CP: variants seen among roughly 807,000 people sequenced by gnomAD.
The protein encoded by CP is ceruloplasmin, also known as caeruloplasmin.
A neutral mutation model predicts 122.4 loss-of-function variants in CP; 64 were observed. The observed-to-expected ratio is 0.52, with a 90% CI of 0.43 to 0.64. The LOEUF (loss-of-function observed/expected upper bound fraction) is 0.64, where lower values mean the gene tolerates loss of function less well. Among genes scored for constraint, CP ranks in the 30% least tolerant of loss-of-function variants. The pLI is 0.00. For missense variants in CP, 1,167 were observed against 1,284.4 expected (o/e 0.91, Z 1.40); for synonymous variants, 440 against 436.4 (o/e 1.01, Z -0.10).
intron 1 of CP, among the ~76,000 whole-genome samples, chr3:149,217,140 C>A (rs1463816950): frequency 6.6e-6 from 1 of 151,958 alleles, no homozygotes; most frequent in Non-Finnish European, 1.5e-5. Flanking sequence ...ACCTTGTGAT[C>A]CACCTGCCTT....
intron 1 of CP, among the ~76,000 whole-genome samples, chr3:149,218,569 C>A (rs1206570136): frequency 6.6e-6 from 1 of 152,182 alleles, no homozygotes; most frequent in Non-Finnish European, 1.5e-5. Flanking sequence ...ACTAACCCTG[C>A]ATATAATCCC....
At chr3:149,213,220 T>G (rs1728228461) in intron 1 of CP, among the ~76,000 whole-genome samples, 1 of 152,226 alleles carries the variant, frequency 6.6e-6, no homozygotes, top group Non-Finnish European at 1.5e-5. Flanking sequence ...TATATTTCTT[T>G]TAACAGCACT....
chr3:149,187,754 G>C (rs938836027), intron 10 of CP, among the ~76,000 whole-genome samples: 42 of 152,320 alleles, frequency 2.8e-4, no homozygotes, highest in African/African-American at 9.4e-4. Context: ...GGACTTTGTA[G>C]GTCAGGGTAG....
chr3:149,200,529 G>A (rs557217189), intron 7 of CP, among the ~76,000 whole-genome samples: 1 of 152,012 alleles, frequency 6.6e-6, no homozygotes, highest in African/African-American at 2.4e-5. Context: ...TTGAGATGGA[G>A]TCTCATTCTG....
At chr3:149,179,994 T>C (rs908181374) in intron 14 of CP, 2 of 299,424 alleles carry the variant, frequency 6.7e-6, no homozygotes, top group Admixed American at 9.2e-5. Context: ...GCTTGAAGTG[T>C]GTTTTCCTAA....
At chr3:149,177,654 T>C in intron 17 of CP, 186 bp downstream of exon 17, 1 of 676,940 alleles carries the variant, frequency 1.5e-6, no homozygotes, top group Non-Finnish European at 2.5e-6. Context: ...TGGAACTTAG[T>C]GGAATTATTT....
chr3:149,201,343 G>A (rs1369466545), intron 7 of CP, among the ~76,000 whole-genome samples: 1 of 151,704 alleles, frequency 6.6e-6, no homozygotes, highest in Non-Finnish European at 1.5e-5. Context: ...GGATGGTCTC[G>A]ATCTCCTGAC....
intron 10 of CP, among the ~76,000 whole-genome samples, chr3:149,187,068 G>A (rs545065830): frequency 5.1e-4 from 77 of 152,096 alleles, no homozygotes; most frequent in Non-Finnish European, 9.1e-4. Flanking sequence ...CCAAATCTGC[G>A]AATTATAACA....
At chr3:149,195,035 G>A (rs544147739) in intron 9 of CP, among the ~76,000 whole-genome samples, 1 of 152,198 alleles carries the variant, frequency 6.6e-6, no homozygotes, top group Admixed American at 6.5e-5. Flanking sequence ...GATGATAAAG[G>A]CAGCATTTCA....
chr3:149,192,125 T>A lies in CP; in HGVS notation c.1714-3923A>T, dbSNP rs979819480. Among the ~76,000 whole-genome samples the A allele has an allele frequency of 9.2e-5, 14 of 152,086 alleles. 1 individual carries two copies. The highest frequency in any genetic ancestry group is 2.6e-4 in the Admixed American group (4 of 15,276). On this transcript the variant is annotated intron_variant, in intron 9 of 18. Transcript: ENST00000264613. Reference sequence around the variant, plus strand: ...GAAAATAATTCTTTTCAGTAATGGATGAACATGTTCTGACATGTATTTAAA... The same window carrying A: ...GAAAATAATTCTTTTCAGTAATGGAAGAACATGTTCTGACATGTATTTAAA...
chr3:149,169,659 A>G (rs935592826), downstream of CP, among the ~76,000 whole-genome samples: 2 of 152,208 alleles, frequency 1.3e-5, no homozygotes, highest in African/African-American at 4.8e-5. Flanking sequence ...ATGTTGCCAG[A>G]TGTCCCCTGT....
At chr3:149,179,886 T>A in intron 14 of CP, 1 of 512,820 alleles carries the variant, frequency 1.9e-6, no homozygotes, top group African/African-American at 1.9e-5. Context: ...TTTGGGTTAA[T>A]TTTAAATTAG....
intron 17 of CP, among the ~76,000 whole-genome samples, chr3:149,177,547 T>C (rs1725496834): frequency 1.3e-5 from 2 of 152,188 alleles, no homozygotes; most frequent in Admixed American, 1.3e-4. Flanking sequence ...TTAAATCATC[T>C]CTAGATTATT....
At chr3:149,163,784 TG>T in intron 5 of CP, 1 of 918,276 alleles carries the variant, frequency 1.1e-6, no homozygotes. Context: ...CTTTGTGGAA[TG>T]GATAAGCAAG....
chr3:149,162,495 T>A, exon 6 of CP: 1 of 894,602 alleles, frequency 1.1e-6, no homozygotes, highest in Non-Finnish European at 1.8e-6. Flanking sequence ...AGACTATATC[T>A]GTAGAAACTT....
chr3:149,198,493 A>G lies in CP; in HGVS notation c.1587T>C (p.Asn529=). 1 of 1,614,100 alleles carries G rather than the reference A, an allele frequency of 6.2e-7. No individual in the cohort carries two copies. The highest frequency in any genetic ancestry group is 1.7e-5 in the Admixed American group (1 of 60,028). Residue 529 remains asparagine, a synonymous_variant, in exon 9 of 19, where the codon AAT becomes AAC. Coordinates refer to ENST00000264613, the MANE Select transcript of CP (RefSeq NM_000096.4). ...TCTTAGCTAGACACACAGGATCTGC[A>G]TTAGTGGGTCCTACTTCTTTGGGGA... ...WTVPKEVGPT[N]ADPVCLAKMY...
chr3:149,186,107 A>G (rs1371387661), intron 11 of CP: 2 of 260,416 alleles, frequency 7.7e-6, no homozygotes, highest in South Asian at 4.9e-5. Context: ...CTACAATGCT[A>G]GCATAGAATA....
intron 1 of CP, among the ~76,000 whole-genome samples, chr3:149,219,145 G>GA (rs576299370): frequency 5.9e-5 from 9 of 152,064 alleles, no homozygotes; most frequent in Non-Finnish European, 1.3e-4. Context: ...ATATATGGGG[G>GA]AAAAAAATCA....
Position 149,221,739 on chromosome 3 carries a change from C to G in CP, c.54G>C (p.Trp18Cys), listed in dbSNP as rs1728824869. 3 of 1,613,482 alleles carry G rather than the reference C, an allele frequency of 1.9e-6. No homozygotes were observed. The East Asian group carries it at 6.7e-5, about 36-fold the overall frequency. The change falls in exon 1 of 19, where the codon TGG becomes TGC. Residue 18 changes from tryptophan to cysteine, a missense_variant. Around this residue, in one of 2 missense-constraint regions of CP, gnomAD observed 642 missense variants for 627.3 expected, o/e 1.02. Transcript: ENST00000264613. ...CAATGTAATAATGCTTTTCTTTCGC[C>G]CAGGCTGGGGTACTACATAAAAACA... is the stretch of plus-strand genomic sequence containing the variant. ...IFLFLCSTPA[W>C]AKEKHYYIGI...
Sources: gnomAD v4.1 joint callset for allele counts (sites outside exome capture counted in the v4.1 genomes callset) on GRCh38, gnomAD v4.1.1 for gene constraint, gnomAD v4.1.1 regional missense constraint, MANE v1.5 for transcripts, NCBI Gene and HGNC (gene_info 2026-07-23, HGNC 2026-07-21) for gene names.